Variants in TMEM272 observed in about 807,000 individuals in gnomAD.
TMEM272 encodes long intergenic non-protein coding RNA 282.
TMEM272 carries 8 observed loss-of-function variants against 3.7 expected under a neutral mutation model. The observed-to-expected ratio is 2.17, with a 90% CI of 1.27 to 3.91. TMEM272 has a LOEUF of 3.91. Among genes scored for constraint, TMEM272 ranks in the 30% most tolerant of loss-of-function variants. The probability of loss-of-function intolerance (pLI) is 0.00; values close to 1 mark genes in which losing one functional copy is unlikely to be tolerated. For synonymous variants in TMEM272, 63 were observed against 39.8 expected, an observed-to-expected ratio of 1.58 and a Z score of -2.20; for missense variants, 166 against 91.5, an observed-to-expected ratio of 1.81 and a Z score of -3.32.
upstream of TMEM272, among the ~76,000 whole-genome samples, chr13:51,846,018 A>G (rs1460223301): frequency 6.6e-6 from 1 of 152,064 alleles, no homozygotes; most frequent in Admixed American, 6.5e-5. Context: ...TGGGGGAGGG[A>G]CTGGTGTGAG....
the TMEM272 span, among the ~76,000 whole-genome samples, chr13:51,901,501 A>G: frequency 6.9e-6 from 1 of 144,086 alleles, no homozygotes; most frequent in South Asian, 2.1e-4. Context: ...CTGGAAATTC[A>G]TATAGCCAAG....
At chr13:51,923,332 C>A in the TMEM272 span, among the ~76,000 whole-genome samples, 1 of 152,222 alleles carries the variant, frequency 6.6e-6, no homozygotes, top group Non-Finnish European at 1.5e-5. Flanking sequence ...AGACAGAATG[C>A]GATGGGCTGG....
chr13:51,881,016 T>C, the TMEM272 span, among the ~76,000 whole-genome samples: 1 of 152,218 alleles, frequency 6.6e-6, no homozygotes, highest in African/African-American at 2.4e-5. Flanking sequence ...GAAGTGATCA[T>C]GGCCTACACT....
rs1285770543 is a variant in TMEM272, at chr13:51,814,515, G to A, written c.*2236C>T. The A allele has an allele frequency of 6.6e-6, 1 of 152,250 alleles. No individual in the cohort carries two copies. Among genetic ancestry groups the A allele is most frequent in the Non-Finnish European group, 1.5e-5 (1 of 68,070 alleles). The allele number at this position is 152,250 out of a possible 1,614,324, so 9.4% of individuals were successfully genotyped here. On this transcript the variant is annotated 3_prime_UTR_variant, in exon 5 of 5. Transcript: ENST00000629372. ...TCTGTCACCCAGAGTAGAGTGCAGT[G>A]GTGCAATCATAGCTCACTGTAACCT...
chr13:51,916,306 C>T, the TMEM272 span, among the ~76,000 whole-genome samples: 1 of 152,284 alleles, frequency 6.6e-6, no homozygotes, highest in South Asian at 2.1e-4. Flanking sequence ...GCCCAGTGAA[C>T]GGCCCAGTGA....
At chr13:51,931,663 T>C in the TMEM272 span, among the ~76,000 whole-genome samples, 1 of 152,070 alleles carries the variant, frequency 6.6e-6, no homozygotes, top group Non-Finnish European at 1.5e-5. Flanking sequence ...AAAGAATCTA[T>C]CTTCTAAAGA....
chr13:51,875,876 A>G, the TMEM272 span, among the ~76,000 whole-genome samples: 8 of 152,250 alleles, frequency 5.3e-5, no homozygotes, highest in Admixed American at 4.6e-4. Context: ...CCCTAGCCAC[A>G]AAGATCAGTG....
chr13:51,859,392 C>T, the TMEM272 span, among the ~76,000 whole-genome samples: 7 of 151,988 alleles, frequency 4.6e-5, no homozygotes, highest in African/African-American at 1.7e-4. Flanking sequence ...TAATCTCTCA[C>T]CTCAGGCTGA....
chr13:51,824,781 T>C (rs565004383), intron 3 of TMEM272, among the ~76,000 whole-genome samples: 47 of 152,288 alleles, frequency 3.1e-4, no homozygotes, highest in African/African-American at 8.9e-4. Flanking sequence ...GGTGAAACCC[T>C]GTCTCTACTA....
At chr13:51,821,701 AAGC>A (rs1222524041) in intron 4 of TMEM272, among the ~76,000 whole-genome samples, 11,587 of 24,476 alleles carry the variant, frequency 0.47, 1,712 homozygotes, top group African/African-American at 0.56. Context: ...AAAAAAAAAA[AAGC>A]AGCAGCAGCA....
At chr13:51,919,979 G>A in the TMEM272 span, among the ~76,000 whole-genome samples, 1 of 152,216 alleles carries the variant, frequency 6.6e-6, no homozygotes, top group Non-Finnish European at 1.5e-5. Context: ...AGGAAAGGAG[G>A]GAGGGAGGCT....
chr13:51,853,930 A>C, the TMEM272 span, among the ~76,000 whole-genome samples: 62,200 of 152,050 alleles, frequency 0.41, 13,069 homozygotes, highest in East Asian at 0.53. Flanking sequence ...CTATTTTCTG[A>C]TTTCTTTTTA....
the TMEM272 span, among the ~76,000 whole-genome samples, chr13:51,903,044 G>A: frequency 6.6e-6 from 1 of 150,944 alleles, no homozygotes; most frequent in African/African-American, 2.4e-5. Context: ...AGCATCCACT[G>A]GGGGTGTTGA....
the TMEM272 span, among the ~76,000 whole-genome samples, chr13:51,922,220 T>C: frequency 6.6e-6 from 1 of 152,268 alleles, no homozygotes; most frequent in African/African-American, 2.4e-5. Flanking sequence ...CTTTTCTTAA[T>C]GACTCACGGG....
chr13:51,818,941 G>A (rs931380565), intron 4 of TMEM272, among the ~76,000 whole-genome samples: 3 of 152,154 alleles, frequency 2.0e-5, no homozygotes, highest in Non-Finnish European at 1.5e-5. Context: ...GAGAAGGGCA[G>A]TGGTCCACAC....
the TMEM272 span, among the ~76,000 whole-genome samples, chr13:51,872,599 T>C: frequency 1.3e-5 from 2 of 152,038 alleles, no homozygotes; most frequent in African/African-American, 4.8e-5. Flanking sequence ...CCAGGACACA[T>C]CACTATGGAA....
chr13:51,874,567 C>A, the TMEM272 span, among the ~76,000 whole-genome samples: 7 of 152,184 alleles, frequency 4.6e-5, no homozygotes, highest in Non-Finnish European at 7.3e-5. Flanking sequence ...CAATGAGGAA[C>A]CACACATCTA....
chr13:51,826,822 A>G (rs994885105), intron 2 of TMEM272, among the ~76,000 whole-genome samples, 197 bp from the exon 3 acceptor site: 1 of 152,198 alleles, frequency 6.6e-6, no homozygotes, highest in Non-Finnish European at 1.5e-5. Context: ...CTTCTCAGAG[A>G]GCTGAACATC....
At chr13:51,903,837 T>C in the TMEM272 span, among the ~76,000 whole-genome samples, 1 of 152,064 alleles carries the variant, frequency 6.6e-6, no homozygotes, top group African/African-American at 2.4e-5. Flanking sequence ...AAGAGAACCA[T>C]ATAGGGTCTT....
Sources: allele counts gnomAD v4.1 joint callset (sites outside exome capture counted in the v4.1 genomes callset), GRCh38; gene constraint gnomAD v4.1.1; transcripts MANE v1.5; gene names NCBI Gene and HGNC (gene_info 2026-07-23, HGNC 2026-07-21).